The following CUBN variants were observed in gnomAD, a reference collection of about 807,000 sequenced individuals.
CUBN encodes the protein 460 kDa receptor.
CUBN carries 282 observed loss-of-function variants against 405.3 expected under a neutral mutation model. The observed-to-expected ratio is 0.70, with a 90% confidence interval of 0.63 to 0.77. The LOEUF (loss-of-function observed/expected upper bound fraction) is 0.77, where lower values mean the gene tolerates loss of function less well. CUBN is among the 30% of genes least tolerant of loss of function. The pLI is 0.00. For missense variants in CUBN, 4,514 were observed against 4,475.2 expected, an observed-to-expected ratio of 1.01 and a Z score of -0.25; for synonymous variants, 1,684 against 1,617.0, an observed-to-expected ratio of 1.04 and a Z score of -0.99.
At chr10:17,120,674 C>A (rs892091701) in intron 6 of CUBN, among the ~76,000 whole-genome samples, 1 of 152,204 alleles carries the variant, frequency 6.6e-6, no homozygotes, top group Non-Finnish European at 1.5e-5. Context: ...GAACTCTAAC[C>A]TCTGACATGC....
At chr10:16,894,879 C>T (rs954599491) in intron 54 of CUBN, among the ~76,000 whole-genome samples, 1 of 152,086 alleles carries the variant, frequency 6.6e-6, no homozygotes, top group Non-Finnish European at 1.5e-5. Context: ...TTATTTTTAG[C>T]ACTCAGATCC....
rs550791299 is a variant in CUBN at position 16,922,708 on chromosome 10, C to T, written c.6646+2533G>A. On this transcript the variant is annotated intron_variant, in intron 43 of 66. Coordinates refer to ENST00000377833, the MANE Select transcript of CUBN (RefSeq NM_001081.4). ...ACTTGTAACATTGAGATTTTCTATG[C>T]ATTCACATCTTTTTATCACTGATGG... Among the ~76,000 whole-genome samples, 5 of 152,236 alleles carry T rather than the reference C, an allele frequency of 3.3e-5. No homozygotes were observed. In the South Asian group the frequency reaches 1.0e-3, roughly 32 times the overall value.
chr10:17,074,643 G>C (rs1331741836), intron 17 of CUBN, among the ~76,000 whole-genome samples: 1 of 152,118 alleles, frequency 6.6e-6, no homozygotes, highest in African/African-American at 2.4e-5. Context: ...TGAAAAATTA[G>C]TCACCAACCC....
chr10:17,104,430 A>G lies in CUBN; in HGVS notation c.1406T>C (p.Val469Ala). The change falls in exon 12 of 67, where the codon GTT becomes GCT. Residue 469 changes from valine (V) to alanine (A), a missense_variant. By Grantham distance (64) the Val-to-Ala change is moderately conservative. Coordinates refer to ENST00000377833, the MANE Select transcript of CUBN (RefSeq NM_001081.4). ...TRLWTGALCQ[V>A]PQQVCGESLS... ...AATGCTGACTGTACCTTGCTGAGGA[A>G]CCTGACAGAGAGCTCCAGTCCAGAG... 1 of 1,613,984 alleles carries G rather than the reference A, an allele frequency of 6.2e-7. No homozygotes were observed. Among genetic ancestry groups the G allele is most frequent in the Non-Finnish European group, 8.5e-7 (1 of 1,179,940 alleles).
chr10:17,080,085 T>C (rs912746032), intron 17 of CUBN, among the ~76,000 whole-genome samples: 4 of 152,172 alleles, frequency 2.6e-5, no homozygotes, highest in Admixed American at 2.6e-4. Context: ...ATCTTAAAGA[T>C]TTTACCAGGG....
intron 28 of CUBN, among the ~76,000 whole-genome samples, chr10:16,990,736 A>G (rs1337485053): frequency 1.3e-5 from 2 of 152,242 alleles, no homozygotes; most frequent in Non-Finnish European, 2.9e-5. Context: ...ACTGGATTAT[A>G]TATAATTTAG....
chr10:17,109,974 A>C (rs776650215), intron 9 of CUBN, among the ~76,000 whole-genome samples: 1 of 152,232 alleles, frequency 6.6e-6, no homozygotes, highest in Non-Finnish European at 1.5e-5. Context: ...AAAAATATGT[A>C]TAAAACTACT....
chr10:16,947,239 A>G lies in CUBN; in HGVS notation c.5338T>C (p.Phe1780Leu). The part of the protein sequence containing the change: ...SSPGNRLQLS[F>L]ISFQLEDSQD... ...ACACCATAAAAAAGGATTTACATAA[A>G]AGACAGCTGGAGCCGGTTGCCAGGG... The change falls in exon 36 of 67, where the codon TTT (phenylalanine) becomes CTT (leucine). Residue 1780 changes from phenylalanine to leucine, a missense_variant. Phe to Leu is a conservative substitution (Grantham distance 22, BLOSUM62 0). This residue lies in a region of CUBN where 1,613 missense variants were observed against 1,542.8 expected (regional missense o/e 1.05). Coordinates refer to ENST00000377833, the MANE Select transcript of CUBN (RefSeq NM_001081.4). 2 of 1,614,094 alleles carry G rather than the reference A, an allele frequency of 1.2e-6. No individual in the cohort carries two copies. Among genetic ancestry groups the G allele is most frequent in the Non-Finnish European group, 1.7e-6 (2 of 1,179,940 alleles).
At chr10:17,065,840 G>C (rs1835602958) in intron 21 of CUBN, among the ~76,000 whole-genome samples, 2 of 152,034 alleles carry the variant, frequency 1.3e-5, no homozygotes, top group South Asian at 4.2e-4. Flanking sequence ...TCCCTGAAAT[G>C]GTTTTAGGTA....
chr10:17,126,401 C>T (rs565140068), intron 4 of CUBN, among the ~76,000 whole-genome samples: 1 of 152,254 alleles, frequency 6.6e-6, no homozygotes, highest in South Asian at 2.1e-4. Context: ...AGAGAGGATG[C>T]TTGCTTTCCG....
At chr10:17,069,576 C>T (rs1350244381) in intron 19 of CUBN, among the ~76,000 whole-genome samples, 1 of 152,202 alleles carries the variant, frequency 6.6e-6, no homozygotes. Context: ...CAGGGTCTCA[C>T]TCTGTTACCC....
At chr10:16,903,038 T>C (rs72771398) in intron 51 of CUBN, among the ~76,000 whole-genome samples, 1,940 of 152,264 alleles carry the variant, frequency 0.013, 16 homozygotes, top group Middle Eastern at 0.031. Context: ...CATATGCAAA[T>C]CCAACACAAA....
intron 26 of CUBN, among the ~76,000 whole-genome samples, chr10:17,042,614 A>G (rs1835043092): frequency 6.6e-6 from 1 of 152,186 alleles, no homozygotes; most frequent in African/African-American, 2.4e-5. Context: ...AATTAGATAA[A>G]TGATTACATA....
At chr10:16,916,325 T>C (rs1841882578) in intron 45 of CUBN, among the ~76,000 whole-genome samples, 2 of 152,344 alleles carry the variant, frequency 1.3e-5, no homozygotes, top group South Asian at 4.1e-4. Context: ...TTTGGGACAC[T>C]ATGTAAGAGC....
chr10:16,830,148 C>A lies in CUBN; in HGVS notation c.10528+1104G>T, dbSNP rs115566373. Among the ~76,000 whole-genome samples the A allele has an allele frequency of 3.1e-3, 470 of 152,292 alleles. 1 individual carries two copies. The highest frequency in any genetic ancestry group is 0.011 in the African/African-American group (452 of 41,558). ...ATGGGGTTTCACCCTGTGGGCCACACTGGTCTGGAACTCCTGACCTCAGGT... is the reference window on the plus strand; with the variant it reads ...ATGGGGTTTCACCCTGTGGGCCACAATGGTCTGGAACTCCTGACCTCAGGT... On this transcript the variant is annotated intron_variant, in intron 65 of 66. Coordinates refer to ENST00000377833, the MANE Select transcript of CUBN (RefSeq NM_001081.4).
At chr10:16,881,114 G>T (rs1334634464) in intron 56 of CUBN, among the ~76,000 whole-genome samples, 2 of 152,180 alleles carry the variant, frequency 1.3e-5, no homozygotes, top group African/African-American at 4.8e-5. Context: ...ATTAGTTATA[G>T]AAATTATTTA....
intron 31 of CUBN, among the ~76,000 whole-genome samples, chr10:16,976,555 G>T (rs116836653): frequency 6.6e-6 from 1 of 150,794 alleles, no homozygotes. Flanking sequence ...TGCTGTTTGG[G>T]TTCCTTGAGA....
chr10:16,829,135 T>C (rs1321202985), intron 65 of CUBN, 95 bp from the exon 66 acceptor site: 1 of 871,736 alleles, frequency 1.1e-6, no homozygotes, highest in Non-Finnish European at 1.9e-6. Context: ...CTTAAGGTGC[T>C]GAGACTCTGC....
intron 6 of CUBN, among the ~76,000 whole-genome samples, chr10:17,119,714 C>G (rs1195707649): frequency 6.6e-6 from 1 of 152,100 alleles, no homozygotes; most frequent in Admixed American, 6.6e-5. Context: ...ATCACGTCTT[C>G]AGAACAAAGA....
Sources: gnomAD v4.1 joint callset for allele counts (sites outside exome capture counted in the v4.1 genomes callset) on GRCh38, gnomAD v4.1.1 for gene constraint, gnomAD v4.1.1 regional missense constraint, MANE v1.5 for transcripts, NCBI Gene and HGNC (gene_info 2026-07-23, HGNC 2026-07-21) for gene names.